GRM5: variants seen among roughly 807,000 people sequenced by gnomAD.
GRM5 encodes the protein metabotropic glutamate receptor 5.
Under a neutral mutation model 83.1 loss-of-function variants are expected in GRM5, and 19 were observed. The observed-to-expected ratio is 0.23, with a 90% CI of 0.16 to 0.34. The LOEUF (loss-of-function observed/expected upper bound fraction) is 0.34. Among genes scored for constraint, GRM5 ranks in the 10% least tolerant of loss-of-function variants. The pLI is 1.00. For missense variants in GRM5, 1,160 were observed against 1,588.3 expected, an observed-to-expected ratio of 0.73 and a Z score of 4.58; for synonymous variants, 675 against 633.6, an observed-to-expected ratio of 1.07 and a Z score of -0.98.
chr11:89,064,854 T>C (rs1315417004), intron 1 of GRM5, among the ~76,000 whole-genome samples: 3 of 46,074 alleles, frequency 6.5e-5, no homozygotes, highest in Non-Finnish European at 8.4e-5. Flanking sequence ...ATTTTTCATA[T>C]TCTCTCTCTC....
intron 7 of GRM5, among the ~76,000 whole-genome samples, chr11:88,582,697 A>G (rs185083051): frequency 6.6e-6 from 1 of 152,348 alleles, no homozygotes; most frequent in East Asian, 1.9e-4. Context: ...GATGCCAAGA[A>G]TTTTCCCTCC....
intron 2 of GRM5, among the ~76,000 whole-genome samples, chr11:88,938,739 G>C (rs1272456729): frequency 1.3e-5 from 2 of 151,492 alleles, no homozygotes; most frequent in Non-Finnish European, 3.0e-5. Flanking sequence ...GTAAAAGTAG[G>C]TCATTCATTT....
intron 3 of GRM5, among the ~76,000 whole-genome samples, chr11:88,715,319 C>T (rs771352561): frequency 2.0e-5 from 3 of 151,858 alleles, no homozygotes; most frequent in Non-Finnish European, 4.4e-5. Context: ...TGGGCTAAGG[C>T]ATGGTGCATG....
At chr11:88,892,690 C>T (rs1390413478) in intron 2 of GRM5, among the ~76,000 whole-genome samples, 1 of 152,000 alleles carries the variant, frequency 6.6e-6, no homozygotes, top group Non-Finnish European at 1.5e-5. Context: ...ATCCTAGTCA[C>T]AATAATTGTT....
chr11:88,956,103 A>C (rs1254862550), intron 2 of GRM5, among the ~76,000 whole-genome samples: 1 of 152,202 alleles, frequency 6.6e-6, no homozygotes, highest in Non-Finnish European at 1.5e-5. Context: ...GATACTATTC[A>C]CAAGTGAGAA....
intron 2 of GRM5, among the ~76,000 whole-genome samples, chr11:88,873,390 G>A (rs59790514): frequency 0.011 from 1,710 of 151,564 alleles, 29 homozygotes; most frequent in African/African-American, 0.039. Context: ...AAATATTCAC[G>A]TAACAGCCTC....
At chr11:88,794,071 C>T (rs559578918) in intron 3 of GRM5, among the ~76,000 whole-genome samples, 2 of 152,230 alleles carry the variant, frequency 1.3e-5, no homozygotes, top group Admixed American at 1.3e-4. Flanking sequence ...AATCTGCCTG[C>T]CTCAGCCTTT....
At chr11:88,809,941 A>G (rs753546198) in intron 3 of GRM5, among the ~76,000 whole-genome samples, 1 of 152,026 alleles carries the variant, frequency 6.6e-6, no homozygotes, top group Non-Finnish European at 1.5e-5. Context: ...CTTAAACCTG[A>G]TATTTGAATT....
chr11:88,888,466 T>A (rs1945083640), intron 2 of GRM5, among the ~76,000 whole-genome samples: 1 of 152,162 alleles, frequency 6.6e-6, no homozygotes, highest in Admixed American at 6.6e-5. Context: ...CAGACTCTTC[T>A]ATGGTGTTTT....
chr11:88,987,058 G>C lies in GRM5; in HGVS notation c.661+60154C>G, dbSNP rs193136054. On this transcript the variant is annotated intron_variant, in intron 2 of 9. Coordinates refer to ENST00000305447, the MANE Select transcript of GRM5 (RefSeq NM_001143831.3). The stretch of plus-strand genomic sequence containing the variant: ...GGTCTACAGCTCCCAGCGTGAGCAA[G>C]GCAGAAGACGGGTGATTTCTGCATT... Among the ~76,000 whole-genome samples, 8 of 152,074 alleles carry C rather than the reference G, an allele frequency of 5.3e-5. No individual in the cohort carries two copies. In the East Asian group the frequency reaches 7.8e-4, roughly 15 times the overall value.
chr11:88,878,120 A>G (rs1944891401), intron 2 of GRM5, among the ~76,000 whole-genome samples: 1 of 152,160 alleles, frequency 6.6e-6, no homozygotes, highest in Non-Finnish European at 1.5e-5. Context: ...AATCTACACA[A>G]GGTTTATTTA....
chr11:88,882,103 G>A (rs1399897922), intron 2 of GRM5, among the ~76,000 whole-genome samples: 2 of 151,850 alleles, frequency 1.3e-5, no homozygotes, highest in Non-Finnish European at 2.9e-5. Context: ...TAGCTGGGTG[G>A]GGTAGCATCT....
chr11:88,820,374 C>CA (rs11457342), intron 3 of GRM5, among the ~76,000 whole-genome samples: 5,076 of 68,618 alleles, frequency 0.074, 363 homozygotes, highest in South Asian at 0.12. Flanking sequence ...AACTCCATCT[C>CA]AAAAAAAAAA....
In GRM5 at chr11:88,521,781, G is replaced by C. The variant is rs1941697893; in HGVS notation, c.2726+3528C>G. ...ATTTCAGGAAGCTAGTGTGCTATGGGGACATGTTATATTCTCATTCCTTTC... is the reference window on the plus strand; with the variant it reads ...ATTTCAGGAAGCTAGTGTGCTATGGCGACATGTTATATTCTCATTCCTTTC... On this transcript the variant is annotated intron_variant, in intron 9 of 9. Transcript: ENST00000305447. Among the ~76,000 whole-genome samples the C allele has an allele frequency of 1.3e-5, 2 of 152,152 alleles. 1 individual carries two copies. Among genetic ancestry groups the C allele is most frequent in the South Asian group, 4.1e-4 (2 of 4,822 alleles).
intron 8 of GRM5, among the ~76,000 whole-genome samples, chr11:88,535,203 C>T (rs528334444): frequency 1.3e-4 from 20 of 152,140 alleles, no homozygotes; most frequent in Non-Finnish European, 2.5e-4. Context: ...CCATCCCATC[C>T]TTACCTTCAC....
intron 3 of GRM5, among the ~76,000 whole-genome samples, chr11:88,709,050 T>A (rs1941226108): frequency 6.6e-6 from 1 of 152,086 alleles, no homozygotes; most frequent in Admixed American, 6.6e-5. Context: ...ATGTGCCTTA[T>A]ATTTGATGCC....
intron 8 of GRM5, among the ~76,000 whole-genome samples, chr11:88,535,519 C>G (rs1336061084): frequency 6.6e-6 from 1 of 152,124 alleles, no homozygotes; most frequent in East Asian, 1.9e-4. Flanking sequence ...GGTCCTTGAG[C>G]CATTGTGTCC....
chr11:88,753,275 A>C (rs1942322302), intron 3 of GRM5, among the ~76,000 whole-genome samples: 1 of 152,184 alleles, frequency 6.6e-6, no homozygotes, highest in African/African-American at 2.4e-5. Flanking sequence ...CAACCCCATC[A>C]AAAACTGGGC....
intron 2 of GRM5, among the ~76,000 whole-genome samples, chr11:89,015,349 A>T (rs1357304342): frequency 6.6e-6 from 1 of 152,200 alleles, no homozygotes. Flanking sequence ...GAAGTAACAC[A>T]TGCTATCACC....
Sources: allele counts gnomAD v4.1 joint callset (sites outside exome capture counted in the v4.1 genomes callset), GRCh38; gene constraint gnomAD v4.1.1; transcripts MANE v1.5; gene names NCBI Gene and HGNC (gene_info 2026-07-23, HGNC 2026-07-21).